GUF1: variants seen among roughly 807,000 people sequenced by gnomAD.
GUF1 encodes the protein translation factor GUF1, mitochondrial.
A neutral mutation model predicts 82.4 loss-of-function variants in GUF1; 78 were observed. The ratio of observed to expected loss-of-function variants is 0.95; its 90% CI spans 0.79 to 1.14. GUF1 has a LOEUF of 1.14. Ranked by LOEUF, GUF1 falls within the 50% of genes most tolerant of loss-of-function variation. The probability of loss-of-function intolerance (pLI) is 0.00; values close to 1 mark genes in which losing one functional copy is unlikely to be tolerated. For synonymous variants in GUF1, 279 were observed against 282.3 expected (o/e 0.99, Z 0.12); for missense variants, 814 against 798.2 (o/e 1.02, Z -0.24).
intron 16 of GUF1, among the ~76,000 whole-genome samples, 158 bp from the exon 17 acceptor site, chr4:44,698,381 TGAGAA>T (rs1457208140): frequency 6.6e-6 from 1 of 152,092 alleles, no homozygotes; most frequent in African/African-American, 2.4e-5. Context: ...TATCATTCTT[TGAGAA>T]GACAGTAAAA....
At position 44,678,659 on chromosome 4, in the gene GUF1, C is replaced by G; in HGVS notation, c.37C>G (p.Arg13Gly). 2 of 1,486,398 alleles carry G rather than the reference C, an allele frequency of 1.3e-6. No homozygotes were observed. The highest frequency in any genetic ancestry group is 1.5e-5 in the African/African-American group (1 of 67,472). 92.1% of individuals were successfully genotyped at this position (1,486,398 alleles called of 1,614,324 possible). The change falls in exon 1 of 17, where the codon CGC (arginine) becomes GGC (glycine). Residue 13 changes from arginine to glycine, a missense_variant. By Grantham distance (125) the Arg-to-Gly change is moderately radical. Coordinates refer to ENST00000281543, the MANE Select transcript of GUF1 (RefSeq NM_021927.3). Reference sequence around the variant, plus strand: ...CGTGGGTCGGGGCTGGGGGTGCGCACGCGCTCTCGCGCCACGAGCCACTGG... The same window carrying G: ...CGTGGGTCGGGGCTGGGGGTGCGCAGGCGCTCTCGCGCCACGAGCCACTGG... Reference protein sequence around the residue: ...TLVGRGWGCARALAPRATGAA... With the variant: ...TLVGRGWGCAGALAPRATGAA...
rs773793085 is a variant in GUF1 at position 44,678,603 on chromosome 4, A to G, written c.-20A>G. The G allele has an allele frequency of 1.4e-6, 2 of 1,444,108 alleles. No homozygotes were observed. Among genetic ancestry groups the G allele is most frequent in the African/African-American group, 3.0e-5 (2 of 66,934 alleles). The allele number at this position is 1,444,108 out of a possible 1,614,324, so 89.5% of individuals were successfully genotyped here. Reference sequence around the variant, plus strand: ...TGTTGCGTGTGGGTACCCTCTCCTGACGCCTCCGCCGCCCGGGTCATGTGG... The same window carrying G: ...TGTTGCGTGTGGGTACCCTCTCCTGGCGCCTCCGCCGCCCGGGTCATGTGG... On this transcript the variant is annotated 5_prime_UTR_variant, in exon 1 of 17. The change abolishes the stop of an existing upstream ORF in the 5' untranslated region. Coordinates refer to ENST00000281543, the MANE Select transcript of GUF1 (RefSeq NM_021927.3).
intron 12 of GUF1, among the ~76,000 whole-genome samples, 176 bp downstream of exon 12, chr4:44,691,036 G>T (rs1408778491): frequency 6.6e-6 from 1 of 151,020 alleles, no homozygotes; most frequent in African/African-American, 2.4e-5. Flanking sequence ...AAATTATTTT[G>T]ATTTTAAATA....
At chr4:44,698,475 C>G in intron 16 of GUF1, 69 bp from the exon 17 acceptor site, 6 of 1,212,048 alleles carry the variant, frequency 5.0e-6, no homozygotes, top group Non-Finnish European at 7.0e-6. Flanking sequence ...TGTACTGATG[C>G]CGCTGTAATC....
Position 44,699,695 on chromosome 4 carries a change from A to G in GUF1, c.*1014A>G, listed in dbSNP as rs1266155809. On this transcript the variant is annotated 3_prime_UTR_variant, in exon 17 of 17. Transcript: ENST00000281543. Reference sequence around the variant, plus strand: ...TTCACTTATTAAACAGTAAACTCAAATAACATAGACATCAAATAACAGACA... The same window carrying G: ...TTCACTTATTAAACAGTAAACTCAAGTAACATAGACATCAAATAACAGACA... 6.6e-6 allele frequency: 1 copy of G among 152,224 alleles called. No homozygotes were observed. Among genetic ancestry groups the G allele is most frequent in the East Asian group, 1.9e-4 (1 of 5,194 alleles). The allele number at this position is 152,224 out of a possible 1,614,324, so 9.4% of individuals were successfully genotyped here. A position where few individuals can be genotyped will look rare whatever the true frequency, so the allele number is the denominator to read the frequency against.
At chr4:44,687,890 A>G in intron 8 of GUF1, 117 bp from the exon 9 acceptor site, 1 of 831,084 alleles carries the variant, frequency 1.2e-6, no homozygotes, top group Admixed American at 2.6e-5. Flanking sequence ...CTTATTTTCA[A>G]AGTGTATGGA....
Position 44,691,658 on chromosome 4 carries a change from C to T in GUF1, c.1480-8C>T. On this transcript the variant is annotated splice_polypyrimidine_tract_variant and splice_region_variant and intron_variant, in intron 12 of 16. Transcript: ENST00000281543. ...TCATTAAACCCATTTTCTTCCTTCCCTTTTTAGGCTCGAAGAGCAGTTCAG... is the reference window on the plus strand; with the variant it reads ...TCATTAAACCCATTTTCTTCCTTCCTTTTTTAGGCTCGAAGAGCAGTTCAG... 6.3e-7 allele frequency: 1 copy of T among 1,582,950 alleles called. No individual in the cohort carries two copies.
rs1716029305 is a variant in GUF1 at position 44,698,867 on chromosome 4, A to G, written c.*186A>G. On this transcript the variant is annotated 3_prime_UTR_variant, in exon 17 of 17. Transcript: ENST00000281543. ...TTGAAGCCATGTTGCCTGTTCTCAA[A>G]TATCTGTTCCAACCACTCACTAGTA... 5.4e-6 allele frequency: 3 copies of G among 551,832 alleles called. No individual in the cohort carries two copies. In the African/African-American group the frequency reaches 5.8e-5, roughly 11 times the overall value. 34.2% of individuals were successfully genotyped at this position (551,832 alleles called of 1,614,324 possible).
chr4:44,686,925 A>G (rs914469719), intron 8 of GUF1, among the ~76,000 whole-genome samples: 4 of 151,978 alleles, frequency 2.6e-5, no homozygotes, highest in African/African-American at 9.7e-5. Flanking sequence ...ATGACTAGTT[A>G]TAACTAGATT....
rs759843635 is a variant in GUF1, at chr4:44,694,497, G to C, written c.1699G>C (p.Val567Leu). The stretch of plus-strand genomic sequence containing the variant: ...GAATGGAAATACTGTAGAGGAGCTA[G>C]TAACTGTTGTACACAAGTAAGTTCA... ...LLNGNTVEEL[V>L]TVVHKDKAHS... The change falls in exon 14 of 17, where the codon GTA (valine) becomes CTA (leucine). Residue 567 changes from valine (V) to leucine (L), a missense_variant. Val to Leu is a conservative substitution (Grantham distance 32). Transcript: ENST00000281543. The C allele has an allele frequency of 6.3e-7, 1 of 1,577,124 alleles. No homozygotes were observed. The highest frequency in any genetic ancestry group is 1.7e-5 in the Admixed American group (1 of 59,650).
At chr4:44,697,468 C>G in intron 16 of GUF1, 24 bp downstream of exon 16, 1 of 1,270,982 alleles carries the variant, frequency 7.9e-7, no homozygotes. Context: ...TGTATTTATT[C>G]TACTTTATAA....
chr4:44,681,301 G>A (rs1714760382), intron 4 of GUF1, 98 bp downstream of exon 4: 1 of 865,224 alleles, frequency 1.2e-6, no homozygotes, highest in African/African-American at 1.7e-5. Flanking sequence ...GAATTTTTGT[G>A]TTTGAAAAAT....
chr4:44,693,773 T>C (rs1297445037), intron 13 of GUF1, among the ~76,000 whole-genome samples: 1 of 152,144 alleles, frequency 6.6e-6, no homozygotes, highest in Non-Finnish European at 1.5e-5. Flanking sequence ...ATTACAAGCT[T>C]TGACCACATT....
intron 15 of GUF1, among the ~76,000 whole-genome samples, chr4:44,696,558 C>T (rs929772274): frequency 3.9e-5 from 6 of 152,158 alleles, no homozygotes; most frequent in Non-Finnish European, 8.8e-5. Context: ...TAGGAAGTAT[C>T]TCCTCAGTTA....
At chr4:44,697,661 A>G (rs1715921414) in intron 16 of GUF1, among the ~76,000 whole-genome samples, 2 of 151,704 alleles carry the variant, frequency 1.3e-5, no homozygotes, top group South Asian at 4.2e-4. Context: ...ATTTACAAAA[A>G]TATTTATTAA....
chr4:44,692,884 A>G (rs1715536088), intron 13 of GUF1, among the ~76,000 whole-genome samples: 1 of 152,012 alleles, frequency 6.6e-6, no homozygotes, highest in Non-Finnish European at 1.5e-5. Flanking sequence ...TTTAATGTTT[A>G]TAAATATTTT....
intron 10 of GUF1, among the ~76,000 whole-genome samples, 165 bp from the exon 11 acceptor site, chr4:44,689,678 T>C (rs148872681): frequency 1.9e-3 from 290 of 151,900 alleles, no homozygotes; most frequent in African/African-American, 6.7e-3. Context: ...CAATGGAAGA[T>C]TTTAATCTTA....
At position 44,678,740 on chromosome 4, in the gene GUF1, C is replaced by G. The variant is rs561585320; in HGVS notation, c.118C>G (p.Pro40Ala). 27 of 1,539,718 alleles carry G rather than the reference C, an allele frequency of 1.8e-5. No homozygotes were observed. The highest frequency in any genetic ancestry group is 5.8e-5 in the African/African-American group (4 of 69,190). ...PRSAPTLGAA[P>A]ESWATDRLYS... is the part of the protein sequence containing the mutation. ...GTCCGCGCCGACCCTTGGGGCTGCTCCAGAGTCCTGGGCTACCGACAGGCT... is the reference window on the plus strand; with the variant it reads ...GTCCGCGCCGACCCTTGGGGCTGCTGCAGAGTCCTGGGCTACCGACAGGCT... Residue 40 changes from proline to alanine, a missense_variant, in exon 1 of 17, where the codon CCA becomes GCA. By Grantham distance (27) the Pro-to-Ala change is conservative. Transcript: ENST00000281543.
rs1716001524 is a variant in GUF1, at chr4:44,698,619, G to A, written c.1948G>A (p.Gly650Ser). 1.2e-6 allele frequency: 2 copies of A among 1,610,190 alleles called. No homozygotes were observed. Among genetic ancestry groups the A allele is most frequent in the Non-Finnish European group, 1.7e-6 (2 of 1,178,664 alleles). Residue 650 changes from glycine (G) to serine (S), a missense_variant, in exon 17 of 17, where the codon GGC becomes AGC. Gly to Ser is a moderately conservative substitution (Grantham distance 56, BLOSUM62 0). Transcript: ENST00000281543. ...AGGGAAAAAAAAGCTGAGGAAAATT[G>A]GCAACGTTGAAGTTCCAAAAGATGC... ...AEGKKKLRKI[G>S]NVEVPKDAFI...
Sources: allele counts gnomAD v4.1 joint callset (sites outside exome capture counted in the v4.1 genomes callset), GRCh38; gene constraint gnomAD v4.1.1; transcripts MANE v1.5; gene names NCBI Gene and HGNC (gene_info 2026-07-23, HGNC 2026-07-21).